Variants in TMOD2 observed in about 807,000 individuals in gnomAD.
TMOD2 encodes the protein tropomodulin 2, also known as tropomodulin-2.
Under a neutral mutation model 39.9 loss-of-function variants are expected in TMOD2, and 22 were observed. That is an observed-to-expected ratio of 0.55 (90% CI 0.39 to 0.79). The LOEUF (loss-of-function observed/expected upper bound fraction) is 0.79, where lower values mean the gene tolerates loss of function less well. Among genes scored for constraint, TMOD2 ranks in the 30% least tolerant of loss-of-function variants. The pLI, the probability that TMOD2 is intolerant of heterozygous loss-of-function variation, is 0.00. For synonymous variants in TMOD2, 123 were observed against 146.1 expected (o/e 0.84, Z 1.14); for missense variants, 386 against 413.3 (o/e 0.93, Z 0.57).
Position 51,808,593 on chromosome 15 carries a change from T to C in TMOD2, c.*139T>C. The C allele has an allele frequency of 1.8e-6, 1 of 555,232 alleles. No homozygotes were observed. The highest frequency in any genetic ancestry group is 3.2e-5 in the East Asian group (1 of 31,430). 34.4% of individuals were successfully genotyped at this position (555,232 alleles called of 1,614,324 possible). Reference sequence around the variant, plus strand: ...ATAACTAATAATTTAATTGTTATTCTTTTTTAGCACTACTTATTTATCTTG... The same window carrying C: ...ATAACTAATAATTTAATTGTTATTCCTTTTTAGCACTACTTATTTATCTTG... On this transcript the variant is annotated 3_prime_UTR_variant, in exon 10 of 10. Coordinates refer to ENST00000249700, the MANE Select transcript of TMOD2 (RefSeq NM_014548.4).
chr15:51,769,971 C>T lies in TMOD2; in HGVS notation c.283+1553C>T, dbSNP rs1392381581. Among the ~76,000 whole-genome samples the T allele has an allele frequency of 5.9e-5, 9 of 152,164 alleles. No homozygotes were observed. The East Asian group carries it at 1.5e-3, about 26-fold the overall frequency. On this transcript the variant is annotated intron_variant, in intron 3 of 9. Coordinates refer to ENST00000249700, the MANE Select transcript of TMOD2 (RefSeq NM_014548.4). ...GCTTGAACCCAGGAGGTCAAAGCTG[C>T]AGTGAGCCGTGATCATGCCACTGCA...
At chr15:51,751,993 C>T (rs1302443630) in intron 1 of TMOD2, among the ~76,000 whole-genome samples, 5 of 151,636 alleles carry the variant, frequency 3.3e-5, no homozygotes, top group African/African-American at 1.2e-4. Context: ...CTCTGCAGCC[C>T]GCTGGGCCGC....
chr15:51,786,478 G>T (rs1005175616), intron 7 of TMOD2, among the ~76,000 whole-genome samples: 1 of 152,110 alleles, frequency 6.6e-6, no homozygotes, highest in Non-Finnish European at 1.5e-5. Context: ...ATTGGCATCC[G>T]TTTAGACATG....
At chr15:51,803,821 C>G (rs542945968) in intron 8 of TMOD2, among the ~76,000 whole-genome samples, 1 of 152,080 alleles carries the variant, frequency 6.6e-6, no homozygotes, top group East Asian at 1.9e-4. Flanking sequence ...ATTGGTAGTT[C>G]CTGAGAAAAA....
intron 8 of TMOD2, among the ~76,000 whole-genome samples, chr15:51,802,351 G>T (rs1349514037): frequency 1.3e-5 from 2 of 152,106 alleles, no homozygotes; most frequent in African/African-American, 4.8e-5. Context: ...TGTCATCCAA[G>T]GTTCATTACA....
rs932304074 is a variant in TMOD2 at position 51,768,294 on chromosome 15, A to G, written c.159A>G (p.Lys53=). 10 of 1,614,088 alleles carry G rather than the reference A, an allele frequency of 6.2e-6. No homozygotes were observed. Among genetic ancestry groups the G allele is most frequent in the Non-Finnish European group, 7.6e-6 (9 of 1,180,040 alleles). ...TGCTGCCAGCTGGATTTCGACAGAA[A>G]GACCAGACACAGAAGGCAGCCACCG... ...SAMLPAGFRQ[K]DQTQKAATGP... The change falls in exon 3 of 10, where the codon AAA becomes AAG. Residue 53 remains lysine (K), a synonymous_variant. Coordinates refer to ENST00000249700, the MANE Select transcript of TMOD2 (RefSeq NM_014548.4).
intron 1 of TMOD2, among the ~76,000 whole-genome samples, chr15:51,765,125 C>T (rs1166523790): frequency 3.9e-5 from 6 of 152,046 alleles, no homozygotes; most frequent in South Asian, 4.2e-4. Flanking sequence ...CTCAGCCTCC[C>T]GACTAGCTGG....
At chr15:51,788,565 T>C (rs2055986911) in intron 7 of TMOD2, among the ~76,000 whole-genome samples, 1 of 151,970 alleles carries the variant, frequency 6.6e-6, no homozygotes, top group African/African-American at 2.4e-5. Flanking sequence ...CCAAGACACA[T>C]AATTGTCAGA....
intron 7 of TMOD2, 104 bp downstream of exon 7, chr15:51,782,932 C>A (rs933879272): frequency 4.7e-6 from 5 of 1,061,216 alleles, no homozygotes; most frequent in African/African-American, 3.2e-5. Context: ...GGAAAACTTA[C>A]CTTCTACACA....
intron 8 of TMOD2, among the ~76,000 whole-genome samples, chr15:51,803,955 AG>A (rs1310342226): frequency 2.0e-5 from 3 of 152,414 alleles, no homozygotes; most frequent in Admixed American, 6.5e-5. Flanking sequence ...AAGATTAAAA[AG>A]GTTAGTAGTA....
Position 51,808,558 on chromosome 15 carries a change from C to T in TMOD2, c.*104C>T, listed in dbSNP as rs950709382. 21 of 812,146 alleles carry T rather than the reference C, an allele frequency of 2.6e-5. No homozygotes were observed. The highest frequency in any genetic ancestry group is 5.3e-5 in the Admixed American group (2 of 37,698). 50.3% of individuals were successfully genotyped at this position (812,146 alleles called of 1,614,324 possible). On this transcript the variant is annotated 3_prime_UTR_variant, in exon 10 of 10. Coordinates refer to ENST00000249700, the MANE Select transcript of TMOD2 (RefSeq NM_014548.4). Reference sequence around the variant, plus strand: ...CATTTTATCAAAGTTCGTTCATTTCCGTTAACCACATAACTAATAATTTAA... The same window carrying T: ...CATTTTATCAAAGTTCGTTCATTTCTGTTAACCACATAACTAATAATTTAA...
At chr15:51,782,127 T>C (rs548113265) in intron 6 of TMOD2, among the ~76,000 whole-genome samples, 1 of 152,182 alleles carries the variant, frequency 6.6e-6, no homozygotes, top group Non-Finnish European at 1.5e-5. Context: ...ACTACAAAGA[T>C]AAATAAGATT....
intron 1 of TMOD2, among the ~76,000 whole-genome samples, chr15:51,763,524 A>T (rs1274661196): frequency 2.0e-5 from 3 of 152,164 alleles, no homozygotes; most frequent in Non-Finnish European, 2.9e-5. Context: ...AAAAATCTGT[A>T]AAAAAACAAA....
chr15:51,779,253 G>A (rs2055912975), intron 5 of TMOD2, among the ~76,000 whole-genome samples: 1 of 152,144 alleles, frequency 6.6e-6, no homozygotes, highest in South Asian at 2.1e-4. Flanking sequence ...TTCTGACAAT[G>A]TTTCCTATTA....
rs368921517 is a variant in TMOD2, at chr15:51,769,745, A to G, written c.283+1327A>G. 7.2e-5 allele frequency among the ~76,000 whole-genome samples: 11 copies of G among 152,064 alleles called. No individual in the cohort carries two copies. The East Asian group carries it at 1.3e-3, about 19-fold the overall frequency. ...ACAATCTTTTTATAATACAAATCAG[A>G]TCATGTCGGCTGGGCGCAGTGGCTC... is the stretch of plus-strand genomic sequence containing the variant. On this transcript the variant is annotated intron_variant, in intron 3 of 9. Transcript: ENST00000249700.
chr15:51,775,220 G>A (rs1394913870), intron 4 of TMOD2, among the ~76,000 whole-genome samples: 1 of 152,182 alleles, frequency 6.6e-6, no homozygotes, highest in Admixed American at 6.5e-5. Flanking sequence ...TAGTTGACCT[G>A]CAAAACAGCA....
chr15:51,778,920 ATTAT>A (rs1372804820), intron 5 of TMOD2, among the ~76,000 whole-genome samples: 1 of 151,968 alleles, frequency 6.6e-6, no homozygotes, highest in Non-Finnish European at 1.5e-5. Flanking sequence ...TATATGAAAT[ATTAT>A]TTATAGTGGT....
intron 1 of TMOD2, among the ~76,000 whole-genome samples, chr15:51,763,793 A>C (rs1220533982): frequency 6.6e-6 from 1 of 152,228 alleles, no homozygotes; most frequent in Non-Finnish European, 1.5e-5. Flanking sequence ...TGACAAGTAC[A>C]TTTTTACTGC....
intron 7 of TMOD2, chr15:51,785,049 A>G (rs2141629191): frequency 6.6e-6 from 1 of 152,350 alleles, no homozygotes; most frequent in South Asian, 2.1e-4. Context: ...AAAGCACTAC[A>G]CTAGGAGCTG....
Sources: allele counts gnomAD v4.1 joint callset (sites outside exome capture counted in the v4.1 genomes callset), GRCh38; gene constraint gnomAD v4.1.1; transcripts MANE v1.5; gene names NCBI Gene and HGNC (gene_info 2026-07-23, HGNC 2026-07-21).